Variants in KDM4B observed in about 807,000 individuals in gnomAD.
The protein encoded by KDM4B is lysine demethylase 4B.
A neutral mutation model predicts 125.2 loss-of-function variants in KDM4B; 32 were observed. The ratio of observed to expected loss-of-function variants is 0.26; its 90% confidence interval spans 0.19 to 0.34. The LOEUF (loss-of-function observed/expected upper bound fraction) is 0.34. KDM4B is among the 10% of genes least tolerant of loss of function. The probability of loss-of-function intolerance (pLI) is 1.00; values close to 1 mark genes in which losing one functional copy is unlikely to be tolerated. For missense variants in KDM4B, 1,190 were observed against 1,577.7 expected, an observed-to-expected ratio of 0.75 and a Z score of 4.16; for synonymous variants, 721 against 677.9, an observed-to-expected ratio of 1.06 and a Z score of -0.99.
In KDM4B at chr19:5,012,166, C is replaced by T. The variant is rs147677946; in HGVS notation, c.-108-4091C>T. Among the ~76,000 whole-genome samples, 975 of 152,182 alleles carry T rather than the reference C, an allele frequency of 6.4e-3. 10 individuals are homozygous for T. Among genetic ancestry groups the T allele is most frequent in the African/African-American group, 0.022 (917 of 41,532 alleles). On this transcript the variant is annotated intron_variant, in intron 1 of 22. Transcript: ENST00000159111. ...CGCAGCAGGGTTGACAGGCTGGGCC[C>T]GTGGCAGGGTGCAGTCAAACCTAAG... is the stretch of plus-strand genomic sequence containing the variant.
In KDM4B at chr19:5,152,441, CAGGA is replaced by C. The variant is rs2039964623; in HGVS notation, c.*931_*934del. 6.6e-6 allele frequency: 1 copy of C among 152,342 alleles called. No individual in the cohort carries two copies. Among genetic ancestry groups the C allele is most frequent in the African/African-American group, 2.4e-5 (1 of 41,472 alleles). The allele number at this position is 152,342 out of a possible 1,614,324, so 9.4% of individuals were successfully genotyped here. A position where few individuals can be genotyped will look rare whatever the true frequency, so the allele number is the denominator to read the frequency against. On this transcript the variant is annotated 3_prime_UTR_variant, in exon 23 of 23. Coordinates refer to ENST00000159111, the MANE Select transcript of KDM4B (RefSeq NM_015015.3). ...AAGCACCCCTGCACCTCCTATGGCTCAGGATGAGGGAGGCCCCCAGGCCCTTCTG... is the reference window on the plus strand; with the variant it reads ...AAGCACCCCTGCACCTCCTATGGCTCTGAGGGAGGCCCCCAGGCCCTTCTG...
chr19:5,099,788 G>A (rs1024638098), intron 9 of KDM4B, among the ~76,000 whole-genome samples: 1 of 152,358 alleles, frequency 6.6e-6, no homozygotes, highest in East Asian at 1.9e-4. Flanking sequence ...GGAGGACACA[G>A]TGAGAAGGCA....
chr19:5,119,747 G>C lies in KDM4B; in HGVS notation c.1210G>C (p.Ala404Pro). ...GTAGAALLEE[A>P]GGSVKEEAGP... ...GGCTGGGGCAGCGCTCCTAGAGGAG[G>C]CTGGGGGCAGCGTGAAGGAGGAGGC... The change falls in exon 11 of 23, where the codon GCT becomes CCT. Residue 404 changes from alanine (A) to proline (P), a missense_variant. Coordinates refer to ENST00000159111, the MANE Select transcript of KDM4B (RefSeq NM_015015.3). 7 of 1,549,110 alleles carry C rather than the reference G, an allele frequency of 4.5e-6. No individual in the cohort carries two copies. Among genetic ancestry groups the C allele is most frequent in the Non-Finnish European group, 6.1e-6 (7 of 1,146,268 alleles).
At chr19:5,045,129 C>T (rs1430963189) in intron 5 of KDM4B, among the ~76,000 whole-genome samples, 2 of 152,176 alleles carry the variant, frequency 1.3e-5, no homozygotes, top group Non-Finnish European at 2.9e-5. Flanking sequence ...ACCAAACTGT[C>T]CTCCCGCCCA....
At chr19:5,004,192 C>T (rs1365522831) in intron 1 of KDM4B, among the ~76,000 whole-genome samples, 2 of 152,136 alleles carry the variant, frequency 1.3e-5, no homozygotes, top group African/African-American at 4.8e-5. Flanking sequence ...TAAGGATTCT[C>T]CTAAGTCCTT....
chr19:5,109,486 G>A (rs951109027), intron 9 of KDM4B, among the ~76,000 whole-genome samples: 1 of 152,156 alleles, frequency 6.6e-6, no homozygotes, highest in Admixed American at 6.5e-5. Flanking sequence ...GGCTGAGGGC[G>A]TGAGAGCGGC....
chr19:5,021,973 T>C (rs973242881), intron 2 of KDM4B, among the ~76,000 whole-genome samples: 2 of 152,198 alleles, frequency 1.3e-5, no homozygotes, highest in African/African-American at 4.8e-5. Context: ...ATTTTTTGTT[T>C]GCCTCTGTCT....
intron 16 of KDM4B, 69 bp from the exon 17 acceptor site, chr19:5,137,552 C>G (rs1599258875): frequency 2.7e-6 from 4 of 1,477,648 alleles, no homozygotes; most frequent in Non-Finnish European, 3.7e-6. Flanking sequence ...GTTGGCAGAT[C>G]AGGCCCCAAG....
intron 11 of KDM4B, among the ~76,000 whole-genome samples, chr19:5,121,993 C>T (rs539764634): frequency 1.3e-5 from 2 of 152,256 alleles, no homozygotes; most frequent in African/African-American, 2.4e-5. Context: ...CCCCTGTCCA[C>T]GCTGCGGCCT....
At position 5,015,329 on chromosome 19, in the gene KDM4B, G is replaced by GTAACCTCTACC. The variant is rs762911178; in HGVS notation, c.-108-926_-108-916dup. Reference sequence around the variant, plus strand: ...TGCAATGGCATGATCTCGGCTCACTGTAACCTCTACCTCCCAGGTTCAAGT... The same window carrying GTAACCTCTACC: ...TGCAATGGCATGATCTCGGCTCACTGTAACCTCTACCTAACCTCTACCTCCCAGGTTCAAGT... On this transcript the variant is annotated intron_variant, in intron 1 of 22. Coordinates refer to ENST00000159111, the MANE Select transcript of KDM4B (RefSeq NM_015015.3). 1.6e-3 allele frequency among the ~76,000 whole-genome samples: 245 copies of GTAACCTCTACC among 152,210 alleles called. 1 individual carries two copies. The highest frequency in any genetic ancestry group is 2.6e-3 in the Non-Finnish European group (176 of 68,008).
At chr19:5,046,830 T>C (rs1568254992) in intron 5 of KDM4B, among the ~76,000 whole-genome samples, 1 of 152,216 alleles carries the variant, frequency 6.6e-6, no homozygotes, top group Non-Finnish European at 1.5e-5. Flanking sequence ...GTCATTGACT[T>C]AGAGGCGTGT....
rs539538869 is a variant in KDM4B at position 5,035,888 on chromosome 19, C to T, written c.141+2857C>T. Among the ~76,000 whole-genome samples, 33,067 of 94,946 alleles carry T rather than the reference C, an allele frequency of 0.35. 4,486 individuals are homozygous for T. Among genetic ancestry groups the T allele is most frequent in the East Asian group, 0.66 (3,082 of 4,704 alleles). The allele number at this position is 94,946 out of a possible 152,430, so 62.3% of individuals were successfully genotyped here. A position where few individuals can be genotyped will look rare whatever the true frequency, so the allele number is the denominator to read the frequency against. On this transcript the variant is annotated intron_variant, in intron 3 of 22. Coordinates refer to ENST00000159111, the MANE Select transcript of KDM4B (RefSeq NM_015015.3). This position sits in a 1 kb window ranked among gnomAD's most constrained non-coding sequence, Gnocchi z 5.3. ...CTGTGTGTGTGTGTGTGTGCGCGCG[C>T]GCGCGCGCCTGCGCGCACAGGAGAC... is the stretch of plus-strand genomic sequence containing the variant.
intron 6 of KDM4B, among the ~76,000 whole-genome samples, chr19:5,057,241 G>A (rs1358251501): frequency 1.3e-5 from 2 of 152,154 alleles, no homozygotes. Context: ...CAGGCCGCGT[G>A]TGCCTGTGGC....
At chr19:5,062,224 C>T (rs897397937) in intron 6 of KDM4B, among the ~76,000 whole-genome samples, 5 of 152,244 alleles carry the variant, frequency 3.3e-5, no homozygotes, top group South Asian at 2.1e-4. Context: ...TGGCAGTTCC[C>T]GGGCTGTCTG....
At chr19:5,008,438 GTC>G (rs2035626584) in intron 1 of KDM4B, among the ~76,000 whole-genome samples, 2 of 152,032 alleles carry the variant, frequency 1.3e-5, no homozygotes, top group African/African-American at 2.4e-5. Flanking sequence ...ATTATTTTTT[GTC>G]TAGTCTTGAG....
In KDM4B at chr19:5,131,564, GGCA is replaced by G. The variant is rs1488113997; in HGVS notation, c.1785+21_1785+23del. 9.2e-7 allele frequency: 1 copy of G among 1,082,264 alleles called. No individual in the cohort carries two copies. Among genetic ancestry groups the G allele is most frequent in the Non-Finnish European group, 1.3e-6 (1 of 770,922 alleles). The allele number at this position is 1,082,264 out of a possible 1,614,324, so 67.0% of individuals were successfully genotyped here. A position where few individuals can be genotyped will look rare whatever the true frequency, so the allele number is the denominator to read the frequency against. ...GGGGCAGGTGGGGTGGAGCGGGGGA[GGCA>G]GGGAGGAGGGGGGCAGGTGGGGTGG... On this transcript the variant is annotated intron_variant, in intron 12 of 22. Coordinates refer to ENST00000159111, the MANE Select transcript of KDM4B (RefSeq NM_015015.3).
chr19:5,006,772 C>CAA (rs537946416), intron 1 of KDM4B, among the ~76,000 whole-genome samples: 4 of 127,528 alleles, frequency 3.1e-5, no homozygotes, highest in African/African-American at 8.9e-5. Context: ...AACTCCATCT[C>CAA]AAAAAAAAAA....
intron 2 of KDM4B, among the ~76,000 whole-genome samples, chr19:5,019,542 GTGTTGGTGTGCAGGTATTGGTGTGGA>G (rs2036018011): frequency 6.8e-6 from 1 of 146,392 alleles, no homozygotes; most frequent in Admixed American, 6.8e-5. Flanking sequence ...TGGTGTGCAG[GTGTTGGTGTGCAGGTATTGGTGTGGA>G]TGTTGGTGTG....
Position 5,007,542 on chromosome 19 carries a change from CTTTTTTT to C in KDM4B, c.-108-8700_-108-8694del, listed in dbSNP as rs10536135. On this transcript the variant is annotated intron_variant, in intron 1 of 22. Coordinates refer to ENST00000159111, the MANE Select transcript of KDM4B (RefSeq NM_015015.3). ...CATTGTCTTTTCACTTTCTCTCTCT[CTTTTTTT>C]TTTTTTTTTTTTTTGAGACAGAGTA... is the stretch of plus-strand genomic sequence containing the variant. Among the ~76,000 whole-genome samples the C allele has an allele frequency of 7.9e-5, 8 of 100,762 alleles. No individual in the cohort carries two copies. The South Asian group carries it at 1.4e-3, about 17-fold the overall frequency. The allele number at this position is 100,762 out of a possible 152,430, so 66.1% of individuals were successfully genotyped here.
Sources: gnomAD v4.1 joint callset for allele counts (sites outside exome capture counted in the v4.1 genomes callset) on GRCh38, gnomAD v4.1.1 for gene constraint, Gnocchi (gnomAD v3.1) non-coding constraint, MANE v1.5 for transcripts, NCBI Gene and HGNC (gene_info 2026-07-23, HGNC 2026-07-21) for gene names.